ATP2A2: variants seen among roughly 807,000 people sequenced by gnomAD.
The protein encoded by ATP2A2 is ATPase sarcoplasmic/endoplasmic reticulum Ca2+ transporting 2, also known as sarcoplasmic/endoplasmic reticulum calcium ATPase 2.
ATP2A2 carries 14 observed loss-of-function variants against 109.3 expected under a neutral mutation model. That is an observed-to-expected ratio of 0.13 (90% CI 0.08 to 0.20). The LOEUF (loss-of-function observed/expected upper bound fraction) is 0.20. Among genes scored for constraint, ATP2A2 ranks in the 10% least tolerant of loss-of-function variants. The pLI is 1.00. For synonymous variants in ATP2A2, 506 were observed against 490.9 expected, an observed-to-expected ratio of 1.03 and a Z score of -0.41; for missense variants, 657 against 1,321.6, an observed-to-expected ratio of 0.50 and a Z score of 7.80.
At chr12:110,345,022 C>T (rs759098110) in intron 17 of ATP2A2, 51 bp downstream of exon 17, 1 of 1,577,522 alleles carries the variant, frequency 6.3e-7, no homozygotes, top group South Asian at 1.1e-5. Flanking sequence ...GTTGTGAGGC[C>T]TTGACCTTTC....
intron 7 of ATP2A2, among the ~76,000 whole-genome samples, 158 bp downstream of exon 7, chr12:110,326,633 G>A (rs1356510592): frequency 6.6e-6 from 1 of 152,132 alleles, no homozygotes; most frequent in Admixed American, 6.5e-5. Context: ...GTAACATAAC[G>A]TGTGACTTAG....
intron 5 of ATP2A2, among the ~76,000 whole-genome samples, chr12:110,309,006 A>G (rs1047816082): frequency 4.6e-5 from 7 of 152,122 alleles, no homozygotes; most frequent in African/African-American, 1.7e-4. Context: ...TGTAAGGGTC[A>G]TCTCCTGACT....
At chr12:110,308,899 T>C (rs1297214756) in intron 5 of ATP2A2, among the ~76,000 whole-genome samples, 1 of 152,186 alleles carries the variant, frequency 6.6e-6, no homozygotes, top group Non-Finnish European at 1.5e-5. Flanking sequence ...CTGGAGAGTG[T>C]TGTAAACTAA....
Position 110,300,075 on chromosome 12 carries a change from A to AGTCTGTCCGTCC in ATP2A2, c.463+3347_463+3358dup, listed in dbSNP as rs1332180996. Among the ~76,000 whole-genome samples, 6 of 148,446 alleles carry AGTCTGTCCGTCC rather than the reference A, an allele frequency of 4.0e-5. 1 individual carries two copies. Among genetic ancestry groups the AGTCTGTCCGTCC allele is most frequent in the African/African-American group, 1.5e-4 (6 of 39,524 alleles). ...ACGGCCTAAAGCAGCTCCTTCCGTC[A>AGTCTGTCCGTCC]GTCTGTCCGTCCGTCTGTCCTTCCT... On this transcript the variant is annotated intron_variant, in intron 5 of 19. Transcript: ENST00000539276.
chr12:110,297,429 C>T (rs1458800299), intron 5 of ATP2A2, among the ~76,000 whole-genome samples: 2 of 120,060 alleles, frequency 1.7e-5, no homozygotes, highest in Non-Finnish European at 3.3e-5. Context: ...AGTGAGACTT[C>T]ATCTCAAAAA....
chr12:110,285,823 C>T (rs1186112115), intron 3 of ATP2A2, among the ~76,000 whole-genome samples: 1 of 151,700 alleles, frequency 6.6e-6, no homozygotes, highest in Non-Finnish European at 1.5e-5. Context: ...ATAAAACTTT[C>T]TAGACTGTGG....
intron 16 of ATP2A2, among the ~76,000 whole-genome samples, chr12:110,344,517 A>G (rs900598288): frequency 6.6e-6 from 1 of 152,146 alleles, no homozygotes; most frequent in African/African-American, 2.4e-5. Flanking sequence ...GGTGTAATCT[A>G]GTCCCTCAAA....
rs768442782 is a variant in ATP2A2 at position 110,334,118 on chromosome 12, T to C, written c.1394T>C (p.Ile465Thr). The C allele has an allele frequency of 5.6e-6, 9 of 1,613,960 alleles. No homozygotes were observed. The highest frequency in any genetic ancestry group is 7.6e-6 in the Non-Finnish European group (9 of 1,180,038). The change falls in exon 11 of 20, where the codon ATA (isoleucine) becomes ACA (threonine). Residue 465 changes from isoleucine to threonine, a missense_variant. Transcript: ENST00000539276. ...ACCGAATTGAAGGGTCTTTCTAAAA[T>C]AGAACGTGCAAATGCCTGCAACTCA... ...FDTELKGLSK[I>T]ERANACNSVI...
Position 110,346,481 on chromosome 12 carries a change from T to A in ATP2A2, c.*11T>A, listed in dbSNP as rs1298358979. ...ATGTTCTGGTCTTGACTGACAGTTT[T>A]CCATAAAGAAGATGTTTAACTTAAT... On this transcript the variant is annotated 3_prime_UTR_variant, in exon 20 of 20. Transcript: ENST00000539276. 1 of 1,614,208 alleles carries A rather than the reference T, an allele frequency of 6.2e-7. No homozygotes were observed. Among genetic ancestry groups the A allele is most frequent in the Non-Finnish European group, 8.5e-7 (1 of 1,180,036 alleles).
chr12:110,350,288 T>C lies in ATP2A2; in HGVS notation c.*3818T>C. The C allele has an allele frequency of 6.2e-7, 1 of 1,614,260 alleles. No homozygotes were observed. The highest frequency in any genetic ancestry group is 8.5e-7 in the Non-Finnish European group (1 of 1,180,056). ...AGCTGATTTCCTCTCTCTTTCCTTTTCAGCAATACTGGAGTAACCGCTTCC... is the reference window on the plus strand; with the variant it reads ...AGCTGATTTCCTCTCTCTTTCCTTTCCAGCAATACTGGAGTAACCGCTTCC... On this transcript the variant is annotated 3_prime_UTR_variant, in exon 20 of 20. Coordinates refer to ENST00000539276, the MANE Select transcript of ATP2A2 (RefSeq NM_170665.4).
intron 5 of ATP2A2, among the ~76,000 whole-genome samples, chr12:110,304,581 T>C (rs1049658501): frequency 6.6e-6 from 1 of 152,240 alleles, no homozygotes; most frequent in Non-Finnish European, 1.5e-5. Context: ...GTGTGTTTTC[T>C]TTGGAGAAAT....
In ATP2A2 at chr12:110,340,265, G is replaced by A. The variant is rs1306121484; in HGVS notation, c.1762-394G>A. 6.6e-6 allele frequency among the ~76,000 whole-genome samples: 1 copy of A among 152,024 alleles called. No homozygotes were observed. The highest frequency in any genetic ancestry group is 1.5e-5 in the Non-Finnish European group (1 of 68,006). On this transcript the variant is annotated intron_variant, in intron 13 of 19. Transcript: ENST00000539276. The surrounding 1 kb of genome is among the most constrained non-coding windows in gnomAD (Gnocchi z 6.0). ...AGAAAATGCAAAAACCGCCAGGCACGGTGGCTCAAATGCCTGTAATCTCAG... is the reference window on the plus strand; with the variant it reads ...AGAAAATGCAAAAACCGCCAGGCACAGTGGCTCAAATGCCTGTAATCTCAG...
chr12:110,293,860 G>A (rs796766716), intron 4 of ATP2A2, among the ~76,000 whole-genome samples: 7,700 of 124,918 alleles, frequency 0.062, 316 homozygotes, highest in Middle Eastern at 0.097. Flanking sequence ...GTGTGTGTGT[G>A]TGTGTATATA....
At chr12:110,330,949 A>G (rs1259373492) in intron 8 of ATP2A2, 2 of 152,186 alleles carry the variant, frequency 1.3e-5, no homozygotes, top group African/African-American at 2.4e-5. Flanking sequence ...GACTCAAAGA[A>G]TTTCACATTT....
At chr12:110,293,705 A>C (rs1215433769) in intron 4 of ATP2A2, among the ~76,000 whole-genome samples, 1 of 151,458 alleles carries the variant, frequency 6.6e-6, no homozygotes, top group African/African-American at 2.4e-5. Context: ...ACATCTTATA[A>C]ACATACTTAG....
chr12:110,282,938 T>G, intron 3 of ATP2A2, 143 bp downstream of exon 3: 1 of 780,146 alleles, frequency 1.3e-6, no homozygotes, highest in Non-Finnish European at 2.1e-6. Flanking sequence ...AATCTGGGCA[T>G]TTTAAAATTA....
chr12:110,296,855 T>C lies in ATP2A2; in HGVS notation c.463+118T>C, dbSNP rs1353427888. ...TTTTCATGTATCAATTAACACATTT[T>C]ATTGCCATTCATACAAATCCTACAT... On this transcript the variant is annotated intron_variant, in intron 5 of 19. Coordinates refer to ENST00000539276, the MANE Select transcript of ATP2A2 (RefSeq NM_170665.4). The C allele has an allele frequency of 2.1e-5, 25 of 1,177,622 alleles. 1 individual carries two copies. Among genetic ancestry groups the C allele is most frequent in the Non-Finnish European group, 2.4e-5 (20 of 827,578 alleles). 72.9% of individuals were successfully genotyped at this position (1,177,622 alleles called of 1,614,324 possible).
At chr12:110,306,195 T>C (rs987887338) in intron 5 of ATP2A2, among the ~76,000 whole-genome samples, 3 of 152,166 alleles carry the variant, frequency 2.0e-5, no homozygotes, top group Non-Finnish European at 4.4e-5. Context: ...CCTGCCACCA[T>C]GCCCAGCTAA....
intron 1 of ATP2A2, among the ~76,000 whole-genome samples, 177 bp downstream of exon 1, chr12:110,282,084 C>T (rs536094200): frequency 1.3e-5 from 2 of 152,220 alleles, no homozygotes; most frequent in Admixed American, 6.5e-5. Flanking sequence ...CTCGCCTCGC[C>T]TTCCCTGGAC....
Sources: gnomAD v4.1 joint callset for allele counts (sites outside exome capture counted in the v4.1 genomes callset) on GRCh38, gnomAD v4.1.1 for gene constraint, Gnocchi (gnomAD v3.1) non-coding constraint, MANE v1.5 for transcripts, NCBI Gene and HGNC (gene_info 2026-07-23, HGNC 2026-07-21) for gene names.